The following WDFY3 variants were observed in gnomAD, a reference collection of about 807,000 sequenced individuals.
WDFY3 encodes WD repeat and FYVE domain-containing protein 3.
WDFY3 carries 66 observed loss-of-function variants against 409.6 expected under a neutral mutation model. The ratio of observed to expected loss-of-function variants is 0.16; its 90% CI spans 0.13 to 0.20. The LOEUF (loss-of-function observed/expected upper bound fraction) is 0.20, where lower values mean the gene tolerates loss of function less well. WDFY3 is among the 10% of genes least tolerant of loss of function. The pLI, the probability that WDFY3 is intolerant of heterozygous loss-of-function variation, is 1.00. For missense variants in WDFY3, 3,031 were observed against 4,298.1 expected, an observed-to-expected ratio of 0.71 and a Z score of 8.24; for synonymous variants, 1,521 against 1,537.1, an observed-to-expected ratio of 0.99 and a Z score of 0.25.
chr4:84,789,864 T>C lies in WDFY3; in HGVS notation c.3531A>G (p.Pro1177=). The C allele has an allele frequency of 6.2e-7, 1 of 1,614,072 alleles. No homozygotes were observed. Among genetic ancestry groups the C allele is most frequent in the Non-Finnish European group, 8.5e-7 (1 of 1,180,030 alleles). The change falls in exon 22 of 68, where the codon CCA becomes CCG. Residue 1177 remains proline, a synonymous_variant. Transcript: ENST00000295888. ...CTCCACATCGAAAGCGAGCACAGCA[T>C]GGGAGAATTTCATAAAATGAGGACT... ...SEESSFYEIL[P]CCARFRCGEL... is the part of the protein sequence containing the mutation.
In WDFY3 at chr4:84,874,776, C is replaced by T. The variant is rs553751821; in HGVS notation, c.-31-14154G>A. Among the ~76,000 whole-genome samples the T allele has an allele frequency of 1.1e-4, 17 of 152,190 alleles. No homozygotes were observed. In the South Asian group the frequency reaches 2.3e-3, roughly 20 times the overall value. On this transcript the variant is annotated intron_variant, in intron 3 of 67. Transcript: ENST00000295888. ...ATGAAACTTTAGTTATACAGTCATG[C>T]GTTGCTTAACGACAGGGATACACTC...
intron 54 of WDFY3, among the ~76,000 whole-genome samples, chr4:84,704,865 A>T (rs189865757): frequency 3.7e-4 from 57 of 152,320 alleles, no homozygotes; most frequent in Admixed American, 5.9e-4. Flanking sequence ...TCTCCTTGGC[A>T]GAGAGGGGGT....
chr4:84,679,076 G>C lies in WDFY3; in HGVS notation c.9990C>G (p.Asp3330Glu), dbSNP rs1300050072. Residue 3330 changes from aspartate (D) to glutamate (E), a missense_variant, in exon 65 of 68, where the codon GAC (aspartate) becomes GAG (glutamate). Coordinates refer to ENST00000295888, the MANE Select transcript of WDFY3 (RefSeq NM_014991.6). ...TGAGCTGGTCGGACCAGCGTCTGGAGTCGTCAGAGCCACTGTCAGTACACC... is the reference window on the plus strand; with the variant it reads ...TGAGCTGGTCGGACCAGCGTCTGGACTCGTCAGAGCCACTGTCAGTACACC... ...AAWCTDSGSD[D>E]SRRWSDQLSL... The C allele has an allele frequency of 1.2e-5, 19 of 1,614,238 alleles. No individual in the cohort carries two copies. Among genetic ancestry groups the C allele is most frequent in the Admixed American group, 1.7e-5 (1 of 60,026 alleles).
intron 2 of WDFY3, among the ~76,000 whole-genome samples, chr4:84,923,188 T>C (rs1769508239): frequency 6.6e-6 from 1 of 152,232 alleles, no homozygotes; most frequent in Non-Finnish European, 1.5e-5. Context: ...AGAAGATCAT[T>C]CTGACCATGC....
chr4:84,847,937 A>G (rs921063288), intron 5 of WDFY3, among the ~76,000 whole-genome samples: 46 of 151,804 alleles, frequency 3.0e-4, no homozygotes, highest in Middle Eastern at 6.8e-3. Context: ...ACAAATGAAA[A>G]AAAAAACTCT....
intron 58 of WDFY3, among the ~76,000 whole-genome samples, chr4:84,695,327 G>A (rs1230876220): frequency 4.6e-5 from 7 of 152,150 alleles, no homozygotes; most frequent in Middle Eastern, 3.4e-3. Flanking sequence ...CCTATGGCAC[G>A]TGCTCTCACA....
chr4:84,724,411 A>G lies in WDFY3; in HGVS notation c.7441+15T>C. The stretch of plus-strand genomic sequence containing the variant: ...CCAAAATCACTTTTAATCAAAATCA[A>G]AAAGGCAGGCTGACCTTTGACTTTA... On this transcript the variant is annotated intron_variant, in intron 46 of 67. Transcript: ENST00000295888. 2.5e-6 allele frequency: 4 copies of G among 1,585,374 alleles called. No homozygotes were observed. The highest frequency in any genetic ancestry group is 3.4e-6 in the Non-Finnish European group (4 of 1,166,852).
rs1361307533 is a variant in WDFY3 at position 84,688,032 on chromosome 4, G to A, written c.9543+54C>T. On this transcript the variant is annotated intron_variant, in intron 62 of 67. Coordinates refer to ENST00000295888, the MANE Select transcript of WDFY3 (RefSeq NM_014991.6). ...CCTGAGCCCCACCATTTTTAATTGAGTTTGGCCAAGACTACTTGTTTACCT... is the reference window on the plus strand; with the variant it reads ...CCTGAGCCCCACCATTTTTAATTGAATTTGGCCAAGACTACTTGTTTACCT... The A allele has an allele frequency of 2.6e-6, 4 of 1,555,630 alleles. No individual in the cohort carries two copies. In the African/African-American group the frequency reaches 4.1e-5, roughly 16 times the overall value.
intron 42 of WDFY3, 117 bp from the exon 43 acceptor site, chr4:84,735,237 C>G (rs1737239498): frequency 1.1e-6 from 1 of 933,498 alleles, no homozygotes; most frequent in Admixed American, 2.7e-5. Context: ...AGCACCAAAA[C>G]AGAAAACTAA....
chr4:84,884,053 C>T (rs147104000), intron 3 of WDFY3, among the ~76,000 whole-genome samples: 3 of 152,200 alleles, frequency 2.0e-5, no homozygotes, highest in Non-Finnish European at 4.4e-5. Context: ...AGACTTGGGA[C>T]TCAAAAAGCT....
chr4:84,851,193 G>T (rs1173861889), intron 4 of WDFY3, among the ~76,000 whole-genome samples: 1 of 150,860 alleles, frequency 6.6e-6, no homozygotes, highest in Non-Finnish European at 1.5e-5. Context: ...TATTTTAATG[G>T]GTATATAACT....
At chr4:84,728,922 T>C (rs1736110317) in intron 44 of WDFY3, among the ~76,000 whole-genome samples, 1 of 152,168 alleles carries the variant, frequency 6.6e-6, no homozygotes, top group Non-Finnish European at 1.5e-5. Flanking sequence ...AATGTTATAG[T>C]CCTTTTACTT....
chr4:84,673,320 C>A (rs868162877), intron 67 of WDFY3, among the ~76,000 whole-genome samples: 4 of 152,136 alleles, frequency 2.6e-5, no homozygotes, highest in Non-Finnish European at 5.9e-5. Context: ...TAGACTAATT[C>A]TCATGGCCTA....
At chr4:84,808,477 T>A in intron 14 of WDFY3, 60 bp from the exon 15 acceptor site, 1 of 1,460,582 alleles carries the variant, frequency 6.8e-7, no homozygotes, top group Non-Finnish European at 9.5e-7. Context: ...AACACCAGGT[T>A]GGCAGTTGGT....
Position 84,740,231 on chromosome 4 carries a change from G to A in WDFY3, c.6420C>T (p.Phe2140=). ...ILGPGNHDQE[F]ISCLAHCLIN... Reference sequence around the variant, plus strand: ...TCAAGCAGTGGGCCAGACAGCTAATGAATTCTTGGTCATGGTTCCCAGGTC... The same window carrying A: ...TCAAGCAGTGGGCCAGACAGCTAATAAATTCTTGGTCATGGTTCCCAGGTC... Residue 2140 remains phenylalanine (F), a synonymous_variant, in exon 39 of 68, where the codon TTC becomes TTT. Coordinates refer to ENST00000295888, the MANE Select transcript of WDFY3 (RefSeq NM_014991.6). 6.2e-7 allele frequency: 1 copy of A among 1,614,066 alleles called. No homozygotes were observed.
chr4:84,880,674 C>T (rs13143466), intron 3 of WDFY3, among the ~76,000 whole-genome samples: 529 of 50,230 alleles, frequency 0.011, 14 homozygotes, highest in African/African-American at 0.038. Flanking sequence ...GGGAACCATA[C>T]ATATATATAT....
rs182700785 is a variant in WDFY3, at chr4:84,856,448, T to C, written c.180+3964A>G. Among the ~76,000 whole-genome samples the C allele has an allele frequency of 1.2e-3, 186 of 152,350 alleles. No homozygotes were observed. In the Middle Eastern group the frequency reaches 0.014, roughly 11 times the overall value. ...ACCAAATGTTTTCTTTGTCAGCTTT[T>C]GTTCTTGGGACTAAATGTTAATTAT... is the stretch of plus-strand genomic sequence containing the variant. On this transcript the variant is annotated intron_variant, in intron 4 of 67. Coordinates refer to ENST00000295888, the MANE Select transcript of WDFY3 (RefSeq NM_014991.6).
intron 4 of WDFY3, among the ~76,000 whole-genome samples, chr4:84,859,732 C>T (rs537495850): frequency 4.6e-4 from 70 of 152,232 alleles, no homozygotes; most frequent in Non-Finnish European, 9.1e-4. Context: ...CGTGCCACCA[C>T]GCCTGGCTGA....
At chr4:84,758,146 T>A (rs749876650) in intron 32 of WDFY3, among the ~76,000 whole-genome samples, 1 of 152,224 alleles carries the variant, frequency 6.6e-6, no homozygotes, top group Non-Finnish European at 1.5e-5. Context: ...ACACAGTGAA[T>A]GTTTGTCAAA....
Sources: allele counts gnomAD v4.1 joint callset (sites outside exome capture counted in the v4.1 genomes callset), GRCh38; gene constraint gnomAD v4.1.1; transcripts MANE v1.5; gene names NCBI Gene and HGNC (gene_info 2026-07-23, HGNC 2026-07-21).